The following COL19A1 variants were observed in gnomAD, a reference collection of about 807,000 sequenced individuals.
COL19A1 encodes the protein collagen type XIX alpha 1 chain, also known as collagen alpha-1(XIX) chain.
Under a neutral mutation model 190.2 loss-of-function variants are expected in COL19A1, and 159 were observed. That is an observed-to-expected ratio of 0.84 (90% CI 0.73 to 0.95). The LOEUF (loss-of-function observed/expected upper bound fraction) is 0.95, where lower values mean the gene tolerates loss of function less well. Ranked by LOEUF, COL19A1 falls within the 40% of genes least tolerant of loss-of-function variation. The pLI is 0.00. For missense variants in COL19A1, 1,418 were observed against 1,431.9 expected, an observed-to-expected ratio of 0.99 and a Z score of 0.16; for synonymous variants, 509 against 458.9, an observed-to-expected ratio of 1.11 and a Z score of -1.39.
chr6:70,130,166 T>A lies in COL19A1; in HGVS notation c.1342-16T>A. On this transcript the variant is annotated splice_polypyrimidine_tract_variant and intron_variant, in intron 17 of 50. Coordinates refer to ENST00000620364, the MANE Select transcript of COL19A1 (RefSeq NM_001858.6). ...CGGATTTTTCTTTTGTATTTTAAAT[T>A]GTTTTTCACCCCTAGGGAAATGATG... 6.2e-7 allele frequency: 1 copy of A among 1,610,802 alleles called. No homozygotes were observed. Among genetic ancestry groups the A allele is most frequent in the Non-Finnish European group, 8.5e-7 (1 of 1,179,070 alleles).
At chr6:70,169,131 A>G (rs890411295) in intron 40 of COL19A1, among the ~76,000 whole-genome samples, 9 of 151,976 alleles carry the variant, frequency 5.9e-5, no homozygotes, top group African/African-American at 1.7e-4. Flanking sequence ...TTTGCAGGAG[A>G]TATGTTTTGT....
chr6:70,069,290 TA>T (rs966676467), intron 15 of COL19A1, among the ~76,000 whole-genome samples: 37 of 152,200 alleles, frequency 2.4e-4, no homozygotes, highest in African/African-American at 7.5e-4. Context: ...CTTTTATTAT[TA>T]ACCCCAAATA....
Position 70,210,578 on chromosome 6 carries a change from AT to A in COL19A1, c.*3309del, listed in dbSNP as rs1768129909. ...CATTTGATATTTGGCTTATAAAGTA[AT>A]TTTTATGAATCTGTTTTATGAGTTA... On this transcript the variant is annotated 3_prime_UTR_variant, in exon 51 of 51. Coordinates refer to ENST00000620364, the MANE Select transcript of COL19A1 (RefSeq NM_001858.6). Among the ~76,000 whole-genome samples the A allele has an allele frequency of 7.9e-5, 12 of 152,152 alleles. No homozygotes were observed. The highest frequency in any genetic ancestry group is 7.9e-4 in the Admixed American group (12 of 15,276).
chr6:69,909,071 A>C (rs1470975189), intron 4 of COL19A1, among the ~76,000 whole-genome samples: 1 of 152,186 alleles, frequency 6.6e-6, no homozygotes, highest in Non-Finnish European at 1.5e-5. Flanking sequence ...TATTGCCTTC[A>C]AAGAATGTAT....
At chr6:70,168,823 A>C in intron 40 of COL19A1, 142 bp downstream of exon 40, 1 of 760,840 alleles carries the variant, frequency 1.3e-6, no homozygotes, top group Non-Finnish European at 2.2e-6. Context: ...CACAATATAA[A>C]TGCCAGCAAT....
chr6:70,034,223 A>G (rs199908577), intron 12 of COL19A1, 22 bp from the exon 13 acceptor site: 2 of 1,568,238 alleles, frequency 1.3e-6, no homozygotes, highest in Non-Finnish European at 1.8e-6. Context: ...TGAACTGTGT[A>G]TTGGTTATAT....
At chr6:69,892,917 G>A (rs1224184777) in intron 2 of COL19A1, among the ~76,000 whole-genome samples, 2 of 152,192 alleles carry the variant, frequency 1.3e-5, no homozygotes, top group Admixed American at 1.3e-4. Flanking sequence ...TTATTCCACT[G>A]ATGCAAACGG....
intron 4 of COL19A1, among the ~76,000 whole-genome samples, chr6:69,927,476 G>C (rs1449539610): frequency 1.3e-5 from 2 of 152,098 alleles, no homozygotes; most frequent in Non-Finnish European, 1.5e-5. Context: ...TCAGTATTAG[G>C]AACTCATTTG....
chr6:69,959,357 A>G (rs75952104), intron 9 of COL19A1, among the ~76,000 whole-genome samples: 3,520 of 152,244 alleles, frequency 0.023, 132 homozygotes, highest in African/African-American at 0.078. Context: ...ATGCTTGTAC[A>G]TATATAAGAA....
chr6:70,084,147 C>T (rs566186606), intron 15 of COL19A1, among the ~76,000 whole-genome samples: 32 of 152,088 alleles, frequency 2.1e-4, no homozygotes, highest in African/African-American at 7.0e-4. Flanking sequence ...ACAAAAAGGA[C>T]AGTTATTTGA....
intron 15 of COL19A1, among the ~76,000 whole-genome samples, chr6:70,100,435 T>G (rs1393436801): frequency 1.3e-5 from 2 of 152,174 alleles, no homozygotes; most frequent in East Asian, 3.9e-4. Context: ...TATGTTCATT[T>G]CAATCTTACA....
rs551177346 is a variant in COL19A1 at position 69,919,855 on chromosome 6, A to G, written c.267-8054A>G. Among the ~76,000 whole-genome samples, 8 of 152,202 alleles carry G rather than the reference A, an allele frequency of 5.3e-5. No individual in the cohort carries two copies. In the South Asian group the frequency reaches 1.7e-3, roughly 32 times the overall value. On this transcript the variant is annotated intron_variant, in intron 4 of 50. Coordinates refer to ENST00000620364, the MANE Select transcript of COL19A1 (RefSeq NM_001858.6). ...CAGTGATTTACTTATTATAAAGGCT[A>G]TAGGTTGGGAGTTCTAGACTTTTGC...
chr6:70,021,749 A>G (rs1293243721), intron 11 of COL19A1, among the ~76,000 whole-genome samples: 1 of 152,198 alleles, frequency 6.6e-6, no homozygotes, highest in East Asian at 1.9e-4. Flanking sequence ...GAGCACTTGA[A>G]ATGTAGCTAG....
intron 9 of COL19A1, among the ~76,000 whole-genome samples, chr6:69,956,151 A>C (rs572947064): frequency 3.3e-5 from 5 of 152,006 alleles, no homozygotes; most frequent in African/African-American, 1.2e-4. Flanking sequence ...ATAGATTTTA[A>C]GAGAGTAGAT....
intron 16 of COL19A1, among the ~76,000 whole-genome samples, chr6:70,109,541 AGTGTGTGTGTGTGTGTGTGT>A (rs60219800): frequency 2.8e-5 from 4 of 143,986 alleles, no homozygotes; most frequent in East Asian, 2.0e-4. Context: ...CCGTTTTGTA[AGTGTGTGTGTGTGTGTGTGT>A]GTGTGTGTGT....
At chr6:70,107,736 G>T (rs547819619) in intron 16 of COL19A1, among the ~76,000 whole-genome samples, 3 of 152,256 alleles carry the variant, frequency 2.0e-5, no homozygotes, top group Non-Finnish European at 4.4e-5. Context: ...ACGTCATGAA[G>T]AGATCCAAAA....
intron 14 of COL19A1, among the ~76,000 whole-genome samples, chr6:70,037,521 A>G (rs1779419059): frequency 6.6e-6 from 1 of 152,172 alleles, no homozygotes; most frequent in South Asian, 2.1e-4. Flanking sequence ...TGCTCTTTTT[A>G]CTTAGGACAG....
chr6:70,059,334 G>A (rs890014662), intron 14 of COL19A1, among the ~76,000 whole-genome samples: 28 of 152,124 alleles, frequency 1.8e-4, no homozygotes, highest in African/African-American at 6.8e-4. Context: ...TTAAGAAGCT[G>A]TAAATGTATC....
chr6:69,938,151 G>C (rs773048873), intron 9 of COL19A1, 51 bp downstream of exon 9: 1 of 1,552,120 alleles, frequency 6.4e-7, no homozygotes. Context: ...GTTAAAAAAT[G>C]ACTTAAAAAT....
Sources: gnomAD v4.1 joint callset for allele counts (sites outside exome capture counted in the v4.1 genomes callset) on GRCh38, gnomAD v4.1.1 for gene constraint, MANE v1.5 for transcripts, NCBI Gene and HGNC (gene_info 2026-07-23, HGNC 2026-07-21) for gene names.